CSNK1A1: variants seen among roughly 807,000 people sequenced by gnomAD.
CSNK1A1 encodes the protein casein kinase I isoform alpha.
In CSNK1A1, 7 loss-of-function variants were observed where a neutral mutation model predicts 46.1. That is an observed-to-expected ratio of 0.15 (90% CI 0.09 to 0.29). The LOEUF (loss-of-function observed/expected upper bound fraction) is 0.29, where lower values mean the gene tolerates loss of function less well. Among genes scored for constraint, CSNK1A1 ranks in the 10% least tolerant of loss-of-function variants. The pLI is 1.00. For synonymous variants in CSNK1A1, 137 were observed against 141.5 expected (o/e 0.97, Z 0.23); for missense variants, 96 against 417.1 (o/e 0.23, Z 6.71).
intron 9 of CSNK1A1, chr5:149,504,846 TGTGCTGAG>T (rs1760975721): frequency 1.0e-6 from 1 of 985,318 alleles, no homozygotes. Context: ...CTAGAAAAGA[TGTGCTGAG>T]CTTTGCATTT....
Position 149,542,692 on chromosome 5 carries a change from A to AT in CSNK1A1, c.230+7382dup, listed in dbSNP as rs869143376. Among the ~76,000 whole-genome samples the AT allele has an allele frequency of 1.2e-3, 20 of 16,186 alleles. 2 individuals carry two copies. Among genetic ancestry groups the AT allele is most frequent in the East Asian group, 0.01 (3 of 288 alleles). The allele number at this position is 16,186 out of a possible 152,430, so 10.6% of individuals were successfully genotyped here. ...TATATGTATATATATATATATATAT[A>AT]TTTTTTTTTTTTTTTTTTTTTGAGA... is the stretch of plus-strand genomic sequence containing the variant. On this transcript the variant is annotated intron_variant, in intron 2 of 9. Coordinates refer to ENST00000377843, the MANE Select transcript of CSNK1A1 (RefSeq NM_001892.6).
intron 3 of CSNK1A1, among the ~76,000 whole-genome samples, chr5:149,520,995 G>C (rs901446794): frequency 1.3e-5 from 2 of 152,126 alleles, no homozygotes; most frequent in Non-Finnish European, 2.9e-5. Context: ...AAACGCTATA[G>C]CTCAAATATC....
In CSNK1A1 at chr5:149,507,017, A is replaced by C; in HGVS notation, c.857+10T>G. ...AGAGTTTATAATCTTAAAATACCTT[A>C]AAAACTGACCTGAAAAGAATGCGGA... On this transcript the variant is annotated intron_variant, in intron 8 of 9. Coordinates refer to ENST00000377843, the MANE Select transcript of CSNK1A1 (RefSeq NM_001892.6). 6.2e-7 allele frequency: 1 copy of C among 1,603,212 alleles called. No individual in the cohort carries two copies. The highest frequency in any genetic ancestry group is 8.5e-7 in the Non-Finnish European group (1 of 1,173,900).
chr5:149,517,758 T>C lies in CSNK1A1; in HGVS notation c.456+2532A>G. The C allele has an allele frequency of 7.9e-7, 1 of 1,269,396 alleles. No individual in the cohort carries two copies. Among genetic ancestry groups the C allele is most frequent in the Non-Finnish European group, 1.1e-6 (1 of 886,732 alleles). The allele number at this position is 1,269,396 out of a possible 1,614,324, so 78.6% of individuals were successfully genotyped here. A position where few individuals can be genotyped will look rare whatever the true frequency, so the allele number is the denominator to read the frequency against. The stretch of plus-strand genomic sequence containing the variant: ...CAATAAAAAAGAAAAGCACATGAAT[T>C]TGGGATTGAGGTTGGAATAGGAGAC... On this transcript the variant is annotated intron_variant, in intron 4 of 9. Coordinates refer to ENST00000377843, the MANE Select transcript of CSNK1A1 (RefSeq NM_001892.6). The surrounding 1 kb of genome is among the most constrained non-coding windows in gnomAD (Gnocchi z 4.4).
At chr5:149,524,918 A>T in intron 3 of CSNK1A1, 127 bp downstream of exon 3, 3 of 785,752 alleles carry the variant, frequency 3.8e-6, no homozygotes, top group Non-Finnish European at 5.6e-6. Flanking sequence ...TCACATTATT[A>T]TTTTTTTTCT....
intron 2 of CSNK1A1, among the ~76,000 whole-genome samples, chr5:149,546,844 A>G (rs1412772183): frequency 6.6e-6 from 1 of 152,232 alleles, no homozygotes; most frequent in Non-Finnish European, 1.5e-5. Context: ...ATATTTATTA[A>G]GTATGTACCA....
Position 149,513,153 on chromosome 5 carries a change from T to C in CSNK1A1, c.513A>G (p.Gln171=), listed in dbSNP as rs767653625. ...AKKYRDNRTR[Q]HIPYREDKNL... ...TTTTATCTTCTCTGTATGGTATGTG[T>C]TGCCTTGTCCTGTTGTCTCTGTACT... Residue 171 remains glutamine, a synonymous_variant, in exon 5 of 10, where the codon CAA becomes CAG. Transcript: ENST00000377843. The C allele has an allele frequency of 1.2e-6, 2 of 1,614,130 alleles. No homozygotes were observed. Among genetic ancestry groups the C allele is most frequent in the South Asian group, 2.2e-5 (2 of 91,078 alleles).
At position 149,495,759 on chromosome 5, in the gene CSNK1A1, A is replaced by G. The variant is rs1055426070; in HGVS notation, c.*1094T>C. 2.1e-4 allele frequency: 32 copies of G among 152,140 alleles called. No individual in the cohort carries two copies. The highest frequency in any genetic ancestry group is 9.8e-4 in the Admixed American group (15 of 15,256). 9.4% of individuals were successfully genotyped at this position (152,140 alleles called of 1,614,324 possible). A position where few individuals can be genotyped will look rare whatever the true frequency, so the allele number is the denominator to read the frequency against. Reference sequence around the variant, plus strand: ...CTGCAAGTCATAAAAAAAAAAAAAAAAAAAGAAAAAAATGAAAGAATGCCT... The same window carrying G: ...CTGCAAGTCATAAAAAAAAAAAAAAGAAAAGAAAAAAATGAAAGAATGCCT... On this transcript the variant is annotated 3_prime_UTR_variant, in exon 10 of 10. Coordinates refer to ENST00000377843, the MANE Select transcript of CSNK1A1 (RefSeq NM_001892.6).
chr5:149,507,125 A>G lies in CSNK1A1; in HGVS notation c.759T>C (p.Pro253=). The G allele has an allele frequency of 6.2e-7, 1 of 1,612,892 alleles. No individual in the cohort carries two copies. The part of the protein sequence containing the change: ...TPVEVLCKGF[P]AEFAMYLNYC... ...AGTTTAAGTACATCGCAAATTCTGCAGGAAACCCCTATAGGTTCAAGGGTT... is the reference window on the plus strand; with the variant it reads ...AGTTTAAGTACATCGCAAATTCTGCGGGAAACCCCTATAGGTTCAAGGGTT... The change falls in exon 8 of 10, where the codon CCT becomes CCC. Residue 253 remains proline (P), a synonymous_variant. Transcript: ENST00000377843.
At chr5:149,530,835 G>A (rs1416839473) in intron 2 of CSNK1A1, among the ~76,000 whole-genome samples, 1 of 151,756 alleles carries the variant, frequency 6.6e-6, no homozygotes, top group Non-Finnish European at 1.5e-5. Context: ...GCATGGTGGT[G>A]GGCGCCTATA....
At chr5:149,514,998 T>A (rs1187915481) in intron 4 of CSNK1A1, among the ~76,000 whole-genome samples, 1 of 152,216 alleles carries the variant, frequency 6.6e-6, no homozygotes, top group Admixed American at 6.5e-5. Context: ...TCTCTTGATA[T>A]GAAAACCAGA....
intron 9 of CSNK1A1, chr5:149,499,338 G>C: frequency 1.3e-6 from 1 of 796,298 alleles, no homozygotes; most frequent in Non-Finnish European, 1.5e-6. Context: ...AAACAGAGTT[G>C]GAGGATGTGA....
chr5:149,538,893 G>A (rs1190168663), intron 2 of CSNK1A1, among the ~76,000 whole-genome samples: 4 of 149,604 alleles, frequency 2.7e-5, no homozygotes, highest in Admixed American at 6.7e-5. Flanking sequence ...TTGCACTCCA[G>A]CTTGGGCAAC....
chr5:149,500,196 G>C (rs1272536863), intron 9 of CSNK1A1, among the ~76,000 whole-genome samples: 2 of 146,642 alleles, frequency 1.4e-5, no homozygotes, highest in African/African-American at 2.5e-5. Context: ...GGAGTGCAGT[G>C]GCGCGATCTT....
chr5:149,500,425 C>T (rs774239712), intron 9 of CSNK1A1, among the ~76,000 whole-genome samples: 3 of 152,070 alleles, frequency 2.0e-5, no homozygotes, highest in Non-Finnish European at 4.4e-5. Context: ...GCATGAGCCA[C>T]CGCGCCCGGC....
At chr5:149,532,538 C>T (rs1761935509) in intron 2 of CSNK1A1, among the ~76,000 whole-genome samples, 1 of 151,940 alleles carries the variant, frequency 6.6e-6, no homozygotes. Flanking sequence ...ACTAAATATG[C>T]AAATATCAGC....
chr5:149,498,156 G>A, intron 9 of CSNK1A1: 1 of 985,230 alleles, frequency 1.0e-6, no homozygotes, highest in Non-Finnish European at 1.2e-6. Flanking sequence ...AACATTTGTT[G>A]GGCCATCTCC....
chr5:149,513,855 G>A (rs1033245137), intron 4 of CSNK1A1, among the ~76,000 whole-genome samples: 3 of 150,896 alleles, frequency 2.0e-5, no homozygotes, highest in African/African-American at 7.3e-5. Context: ...AGCCAAGACC[G>A]CGTCACTGCA....
At chr5:149,520,939 C>T (rs768645592) in intron 3 of CSNK1A1, among the ~76,000 whole-genome samples, 9 of 152,096 alleles carry the variant, frequency 5.9e-5, no homozygotes, top group South Asian at 2.1e-4. Flanking sequence ...ATTAAACATG[C>T]CATTCTTAAA....
Sources: allele counts gnomAD v4.1 joint callset (sites outside exome capture counted in the v4.1 genomes callset), GRCh38; gene constraint gnomAD v4.1.1; non-coding constraint Gnocchi (gnomAD v3.1); transcripts MANE v1.5; gene names NCBI Gene and HGNC (gene_info 2026-07-23, HGNC 2026-07-21).